Variants in ALG9 observed in about 807,000 individuals in gnomAD.
ALG9 encodes ALG9 alpha-1,2-mannosyltransferase, also known as alpha-1,2-mannosyltransferase ALG9.
In ALG9, 55 loss-of-function variants were observed where a neutral mutation model predicts 81.8. That is an observed-to-expected ratio of 0.67 (90% confidence interval 0.54 to 0.84). ALG9 has a LOEUF of 0.84. ALG9 is among the 40% of genes least tolerant of loss of function. The pLI is 0.00. For synonymous variants in ALG9, 278 were observed against 274.3 expected (o/e 1.01, Z -0.13); for missense variants, 629 against 745.0 (o/e 0.84, Z 1.81).
chr11:111,828,728 C>T (rs1465183618), intron 13 of ALG9: 2 of 152,196 alleles, frequency 1.3e-5, no homozygotes, highest in Non-Finnish European at 2.9e-5. Flanking sequence ...CACCACAGAT[C>T]TTCTTGGTAG....
rs1281167995 is a variant in ALG9 at position 111,785,973 on chromosome 11, T to TGGCCTAAGAGA, written c.*413_*423dup. The TGGCCTAAGAGA allele has an allele frequency of 8.8e-6, 4 of 454,388 alleles. No homozygotes were observed. Among genetic ancestry groups the TGGCCTAAGAGA allele is most frequent in the African/African-American group, 2.0e-5 (1 of 49,974 alleles). The allele number at this position is 454,388 out of a possible 1,614,324, so 28.1% of individuals were successfully genotyped here. A position where few individuals can be genotyped will look rare whatever the true frequency, so the allele number is the denominator to read the frequency against. On this transcript the variant is annotated 3_prime_UTR_variant, in exon 15 of 15. Transcript: ENST00000616540. ...AACAGCTTTGGTGGAGAAGCCCATA[T>TGGCCTAAGAGA]GGCCTAAGAGAGGCTTGCTAGTTCT...
At chr11:111,853,234 T>C (rs1555140341) in intron 8 of ALG9, 146 bp downstream of exon 8, 2 of 703,402 alleles carry the variant, frequency 2.8e-6, no homozygotes, top group East Asian at 2.7e-5. Context: ...CATTGTGCTA[T>C]ACTCAGATGT....
At chr11:111,816,855 C>T (rs1264389820) in intron 13 of ALG9, among the ~76,000 whole-genome samples, 1 of 152,180 alleles carries the variant, frequency 6.6e-6, no homozygotes, top group African/African-American at 2.4e-5. Context: ...CAACCACACC[C>T]AGCCCCAAGT....
intron 13 of ALG9, among the ~76,000 whole-genome samples, chr11:111,810,449 A>G (rs1405195316): frequency 2.6e-5 from 4 of 152,208 alleles, no homozygotes; most frequent in African/African-American, 4.8e-5. Context: ...GAAAATATTA[A>G]AATATTTCAT....
intron 14 of ALG9, among the ~76,000 whole-genome samples, chr11:111,799,950 A>G (rs1025576388): frequency 6.6e-6 from 1 of 152,148 alleles, no homozygotes; most frequent in African/African-American, 2.4e-5. Context: ...TACCACCAGT[A>G]CTTATTTAAT....
chr11:111,816,437 C>T (rs547810968), intron 13 of ALG9, among the ~76,000 whole-genome samples: 29 of 152,046 alleles, frequency 1.9e-4, no homozygotes, highest in African/African-American at 4.3e-4. Context: ...TTTGTAGAGA[C>T]GGGGGTCTTG....
At chr11:111,822,023 A>G (rs1240280725) in intron 13 of ALG9, among the ~76,000 whole-genome samples, 2 of 152,204 alleles carry the variant, frequency 1.3e-5, no homozygotes, top group Non-Finnish European at 2.9e-5. Flanking sequence ...GGACTTCGAG[A>G]TAGATACAGG....
intron 13 of ALG9, among the ~76,000 whole-genome samples, chr11:111,814,149 A>C (rs922471865): frequency 5.3e-5 from 8 of 152,224 alleles, no homozygotes; most frequent in African/African-American, 1.9e-4. Flanking sequence ...TAATCAATAA[A>C]TTGTGGTAAA....
chr11:111,772,361 G>A, the ALG9 span, among the ~76,000 whole-genome samples: 38 of 152,354 alleles, frequency 2.5e-4, no homozygotes, highest in African/African-American at 9.1e-4. Context: ...GGGAGGCAGA[G>A]GCTGCAGTTA....
At chr11:111,837,747 G>T in intron 11 of ALG9, 132 bp from the exon 12 acceptor site, 2 of 1,005,064 alleles carry the variant, frequency 2.0e-6, no homozygotes, top group Non-Finnish European at 1.5e-6. Flanking sequence ...AGCCATTCCA[G>T]CATGAAGCCT....
intron 13 of ALG9, among the ~76,000 whole-genome samples, chr11:111,821,434 C>T (rs1952353960): frequency 6.6e-6 from 1 of 152,192 alleles, no homozygotes. Flanking sequence ...TGTCTCTCTA[C>T]CATGCCAGAC....
At chr11:111,839,876 G>C (rs1233624475) in intron 10 of ALG9, among the ~76,000 whole-genome samples, 3 of 152,062 alleles carry the variant, frequency 2.0e-5, no homozygotes, top group Admixed American at 2.0e-4. Context: ...CCATGTATAG[G>C]AAATGTTCAG....
chr11:111,836,976 A>G (rs782391402), intron 12 of ALG9, among the ~76,000 whole-genome samples: 1 of 152,226 alleles, frequency 6.6e-6, no homozygotes, highest in Non-Finnish European at 1.5e-5. Flanking sequence ...TTTAGGGCCT[A>G]TGCTCTCAGA....
At chr11:111,852,567 C>T (rs182274418) in intron 8 of ALG9, among the ~76,000 whole-genome samples, 28 of 152,306 alleles carry the variant, frequency 1.8e-4, no homozygotes, top group Admixed American at 1.4e-3. Flanking sequence ...ATTTTCCAAA[C>T]TTTCTCCCCA....
rs182596202 is a variant in ALG9 at position 111,838,451 on chromosome 11, A to C, written c.1174-52T>G. ...AATATACATAATTACAAGACATCAC[A>C]GTAACATCAAGAGCGAAGCCAAAAA... is the stretch of plus-strand genomic sequence containing the variant. On this transcript the variant is annotated intron_variant, in intron 10 of 14. Coordinates refer to ENST00000616540, the MANE Select transcript of ALG9 (RefSeq NM_024740.2). 1.1e-5 allele frequency: 16 copies of C among 1,511,054 alleles called. No homozygotes were observed. In the East Asian group the frequency reaches 3.8e-4, roughly 36 times the overall value. 93.6% of individuals were successfully genotyped at this position (1,511,054 alleles called of 1,614,324 possible). A position where few individuals can be genotyped will look rare whatever the true frequency, so the allele number is the denominator to read the frequency against.
chr11:111,837,692 G>A, intron 11 of ALG9, 77 bp from the exon 12 acceptor site: 1 of 1,512,662 alleles, frequency 6.6e-7, no homozygotes, highest in South Asian at 1.2e-5. Flanking sequence ...GCTCATTAAT[G>A]TCGCACTGTA....
chr11:111,816,022 T>G (rs1399105400), intron 13 of ALG9, among the ~76,000 whole-genome samples: 5 of 152,226 alleles, frequency 3.3e-5, no homozygotes, highest in Admixed American at 3.3e-4. Context: ...AGCAATGAAC[T>G]AGCAGTATCC....
At chr11:111,796,652 T>C (rs782549528) in intron 14 of ALG9, among the ~76,000 whole-genome samples, 2 of 152,190 alleles carry the variant, frequency 1.3e-5, no homozygotes, top group Non-Finnish European at 2.9e-5. Flanking sequence ...CTCAAGAAAG[T>C]ATTCTGGGAG....
At chr11:111,815,006 A>C (rs1368194232) in intron 13 of ALG9, among the ~76,000 whole-genome samples, 1 of 152,080 alleles carries the variant, frequency 6.6e-6, no homozygotes, top group African/African-American at 2.4e-5. Context: ...TTAATACTTG[A>C]CCTCAACGTG....
Sources: allele counts gnomAD v4.1 joint callset (sites outside exome capture counted in the v4.1 genomes callset), GRCh38; gene constraint gnomAD v4.1.1; transcripts MANE v1.5; gene names NCBI Gene and HGNC (gene_info 2026-07-23, HGNC 2026-07-21).